The following RANBP10 variants were observed in gnomAD, a reference collection of about 807,000 sequenced individuals.
The protein encoded by RANBP10 is ran-binding protein 10.
In RANBP10, 24 loss-of-function variants were observed where a neutral mutation model predicts 72.8. That is an observed-to-expected ratio of 0.33 (90% confidence interval 0.24 to 0.46). The LOEUF is 0.46. Ranked by LOEUF, RANBP10 falls within the 20% of genes least tolerant of loss-of-function variation. The probability of loss-of-function intolerance (pLI) is 1.00; values close to 1 mark genes in which losing one functional copy is unlikely to be tolerated. For missense variants in RANBP10, 679 were observed against 817.5 expected, an observed-to-expected ratio of 0.83 and a Z score of 2.07; for synonymous variants, 310 against 322.3, an observed-to-expected ratio of 0.96 and a Z score of 0.41.
intron 2 of RANBP10, among the ~76,000 whole-genome samples, chr16:67,794,686 C>CT (rs907411249): frequency 1.3e-5 from 2 of 150,806 alleles, no homozygotes; most frequent in African/African-American, 4.9e-5. Flanking sequence ...CCATGGCCAG[C>CT]TAATTTTTTT....
Position 67,727,411 on chromosome 16 carries a change from C to G in RANBP10, c.1648G>C (p.Asp550His), listed in dbSNP as rs1387125231. 3.1e-6 allele frequency: 5 copies of G among 1,613,834 alleles called. No individual in the cohort carries two copies. The highest frequency in any genetic ancestry group is 4.2e-6 in the Non-Finnish European group (5 of 1,179,918). Residue 550 changes from aspartate to histidine, a missense_variant, in exon 13 of 14, where the codon GAC (aspartate) becomes CAC (histidine). Asp to His is a moderately conservative substitution (Grantham distance 81). Transcript: ENST00000317506. ...TGGCCAACTGGGCAGCTCCAGGGGT[C>G]TGAGTATGCCAGCAGGCTGAAGGCA... is the stretch of plus-strand genomic sequence containing the variant. The part of the protein sequence containing the change: ...QDAFSLLAYS[D>H]PWSCPVGQQL...
At chr16:67,806,145 G>A (rs1332444868) in intron 1 of RANBP10, among the ~76,000 whole-genome samples, 157 bp downstream of exon 1, 1 of 152,206 alleles carries the variant, frequency 6.6e-6, no homozygotes, top group Non-Finnish European at 1.5e-5. Context: ...TCAGCCCTCG[G>A]CCTGTTCAGC....
chr16:67,734,109 A>C (rs1035376724), intron 6 of RANBP10, among the ~76,000 whole-genome samples: 3 of 152,192 alleles, frequency 2.0e-5, no homozygotes, highest in African/African-American at 7.2e-5. Context: ...CAAAGAACTC[A>C]GTGTGTACCC....
intron 3 of RANBP10, among the ~76,000 whole-genome samples, chr16:67,747,817 CTTT>C (rs1160482023): frequency 6.6e-5 from 8 of 121,320 alleles, no homozygotes; most frequent in Non-Finnish European, 1.2e-4. Flanking sequence ...ATTTTCTTTT[CTTT>C]TTTTTTTTTT....
At chr16:67,796,576 G>T (rs1181930797) in intron 2 of RANBP10, among the ~76,000 whole-genome samples, 1 of 152,084 alleles carries the variant, frequency 6.6e-6, no homozygotes, top group Non-Finnish European at 1.5e-5. Flanking sequence ...AAAATTCTGG[G>T]CTCTGTCTGG....
chr16:67,727,310 T>G lies in RANBP10; in HGVS notation c.1732+17A>C. On this transcript the variant is annotated intron_variant, in intron 13 of 13. Coordinates refer to ENST00000317506, the MANE Select transcript of RANBP10 (RefSeq NM_020850.3). The stretch of plus-strand genomic sequence containing the variant: ...CAGACTCTGTCTCTAATAATAATAA[T>G]AAATAGATTCACTCACCTAAAATGG... 3 of 1,594,802 alleles carry G rather than the reference T, an allele frequency of 1.9e-6. No homozygotes were observed. Among genetic ancestry groups the G allele is most frequent in the Admixed American group, 1.8e-5 (1 of 55,336 alleles).
At chr16:67,796,123 G>A (rs928642394) in intron 2 of RANBP10, among the ~76,000 whole-genome samples, 1 of 151,662 alleles carries the variant, frequency 6.6e-6, no homozygotes, top group Admixed American at 6.6e-5. Flanking sequence ...TCGCCATGTC[G>A]GCCAGGCTGG....
chr16:67,806,351 T>C lies in RANBP10; in HGVS notation c.186A>G (p.Lys62=), dbSNP rs2055439946. 1 of 1,613,574 alleles carries C rather than the reference T, an allele frequency of 6.2e-7. No individual in the cohort carries two copies. The highest frequency in any genetic ancestry group is 8.5e-7 in the Non-Finnish European group (1 of 1,179,766). Residue 62 remains lysine, a synonymous_variant, in exon 1 of 14, where the codon AAA becomes AAG. Coordinates refer to ENST00000317506, the MANE Select transcript of RANBP10 (RefSeq NM_020850.3). ...CCTGGGAGAGACCAATGTAGTTGTA[T>C]TTGTCCTTGGGGCTCCAGGAGCGCG... The part of the protein sequence containing the change: ...PLPRSWSPKD[K]YNYIGLSQGN...
At chr16:67,803,841 A>AG (rs2055282044) in intron 2 of RANBP10, among the ~76,000 whole-genome samples, 1 of 150,368 alleles carries the variant, frequency 6.7e-6, no homozygotes, top group Non-Finnish European at 1.5e-5. Flanking sequence ...AAAAAAAAAA[A>AG]AAAAAAAAAA....
At chr16:67,761,379 G>GT (rs2054392548) in intron 3 of RANBP10, among the ~76,000 whole-genome samples, 1 of 152,110 alleles carries the variant, frequency 6.6e-6, no homozygotes, top group Non-Finnish European at 1.5e-5. Context: ...TGCTGAGCCA[G>GT]TGCAACCTAC....
intron 2 of RANBP10, among the ~76,000 whole-genome samples, chr16:67,794,133 T>G (rs532340835): frequency 3.0e-4 from 46 of 152,278 alleles, no homozygotes; most frequent in African/African-American, 1.1e-3. Context: ...TCCTTCCGTC[T>G]TGGCCTTCCA....
At chr16:67,773,170 T>C (rs751517149) in intron 2 of RANBP10, among the ~76,000 whole-genome samples, 4 of 152,152 alleles carry the variant, frequency 2.6e-5, no homozygotes, top group Non-Finnish European at 5.9e-5. Flanking sequence ...ATGAATGTCT[T>C]GGGGCAGTCC....
chr16:67,798,796 C>G (rs902628893), intron 2 of RANBP10, among the ~76,000 whole-genome samples: 4 of 152,210 alleles, frequency 2.6e-5, no homozygotes, highest in Non-Finnish European at 5.9e-5. Flanking sequence ...CCAGAGAAGC[C>G]TGGCTGAACC....
At chr16:67,738,094 C>A in intron 4 of RANBP10, 59 bp from the exon 5 acceptor site, 1 of 1,508,240 alleles carries the variant, frequency 6.6e-7, no homozygotes, top group South Asian at 1.3e-5. Flanking sequence ...TGCCTCTGCA[C>A]CCCATGGTGG....
chr16:67,732,644 G>A (rs138447911), intron 6 of RANBP10, among the ~76,000 whole-genome samples: 2,067 of 152,230 alleles, frequency 0.014, 24 homozygotes, highest in South Asian at 0.04. Context: ...TCAGCTGGGC[G>A]TGATGGCTCA....
rs2055165728 is a variant in RANBP10 at position 67,798,039 on chromosome 16, T to C, written c.347+7389A>G. ...AAAGAACAGTGGCCACCATCTAGAC[T>C]CCAGTTCTCTTACCCCGTGTTCCAG... On this transcript the variant is annotated intron_variant, in intron 2 of 13. Coordinates refer to ENST00000317506, the MANE Select transcript of RANBP10 (RefSeq NM_020850.3). 2.8e-5 allele frequency among the ~76,000 whole-genome samples: 4 copies of C among 140,634 alleles called. 1 individual carries two copies. In the South Asian group the frequency reaches 9.5e-4, roughly 33 times the overall value. 92.3% of individuals were successfully genotyped at this position (140,634 alleles called of 152,430 possible). A position where few individuals can be genotyped will look rare whatever the true frequency, so the allele number is the denominator to read the frequency against.
intron 2 of RANBP10, among the ~76,000 whole-genome samples, chr16:67,777,165 G>A (rs997431293): frequency 1.3e-4 from 20 of 151,710 alleles, no homozygotes; most frequent in African/African-American, 4.4e-4. Context: ...AGCCAATACC[G>A]CAGCATTGCA....
chr16:67,798,397 G>T (rs1184524112), intron 2 of RANBP10, among the ~76,000 whole-genome samples: 1 of 152,174 alleles, frequency 6.6e-6, no homozygotes, highest in East Asian at 1.9e-4. Context: ...TCTCTCAGCT[G>T]GAAGGGCCTA....
intron 1 of RANBP10, 58 bp downstream of exon 1, chr16:67,806,244 G>A: frequency 6.8e-7 from 1 of 1,474,066 alleles, no homozygotes; most frequent in Non-Finnish European, 9.2e-7. Flanking sequence ...GGGCCTGGCA[G>A]CAGAGCCACC....
Sources: allele counts gnomAD v4.1 joint callset (sites outside exome capture counted in the v4.1 genomes callset), GRCh38; gene constraint gnomAD v4.1.1; transcripts MANE v1.5; gene names NCBI Gene and HGNC (gene_info 2026-07-23, HGNC 2026-07-21).